The following EXOC6B variants were observed in gnomAD, a reference collection of about 807,000 sequenced individuals.
EXOC6B encodes the protein SEC15 homolog B.
A neutral mutation model predicts 113.5 loss-of-function variants in EXOC6B; 54 were observed. The observed-to-expected ratio is 0.48, with a 90% CI of 0.38 to 0.60. The LOEUF is 0.60. Among genes scored for constraint, EXOC6B ranks in the 20% least tolerant of loss-of-function variants. The pLI, the probability that EXOC6B is intolerant of heterozygous loss-of-function variation, is 0.00. For missense variants in EXOC6B, 797 were observed against 977.5 expected, an observed-to-expected ratio of 0.82 and a Z score of 2.46; for synonymous variants, 357 against 339.0, an observed-to-expected ratio of 1.05 and a Z score of -0.58.
At chr2:72,510,734 C>T (rs1700847527) in intron 11 of EXOC6B, among the ~76,000 whole-genome samples, 1 of 151,490 alleles carries the variant, frequency 6.6e-6, no homozygotes, top group South Asian at 2.1e-4. Flanking sequence ...AATTTCTATT[C>T]TAATATAGAA....
intron 18 of EXOC6B, among the ~76,000 whole-genome samples, chr2:72,459,838 A>C (rs1697507555): frequency 6.6e-6 from 1 of 152,180 alleles, no homozygotes; most frequent in Admixed American, 6.5e-5. Flanking sequence ...CTTTCTTCAC[A>C]GAATTGGAAA....
intron 6 of EXOC6B, among the ~76,000 whole-genome samples, chr2:72,597,461 G>C (rs184325877): frequency 1.3e-5 from 2 of 151,666 alleles, no homozygotes; most frequent in African/African-American, 4.8e-5. Flanking sequence ...TGCTGAGAGG[G>C]AAAATGGAAT....
intron 6 of EXOC6B, among the ~76,000 whole-genome samples, chr2:72,623,606 C>A (rs1671874564): frequency 6.6e-6 from 1 of 152,110 alleles, no homozygotes; most frequent in East Asian, 1.9e-4. Flanking sequence ...TTAGTCACTA[C>A]CCCCCAACTC....
intron 6 of EXOC6B, among the ~76,000 whole-genome samples, chr2:72,700,886 G>A (rs776064433): frequency 2.6e-5 from 4 of 152,132 alleles, no homozygotes; most frequent in African/African-American, 9.7e-5. Flanking sequence ...GGGAGACAGA[G>A]GTTGCAGTGA....
rs149464771 is a variant in EXOC6B, at chr2:72,798,686, T to C, written c.113+27112A>G. 5.8e-3 allele frequency among the ~76,000 whole-genome samples: 877 copies of C among 152,258 alleles called. 21 individuals are homozygous for C. Among genetic ancestry groups the C allele is most frequent in the Admixed American group, 0.043 (664 of 15,292 alleles). The stretch of plus-strand genomic sequence containing the variant: ...GTATTCCATATTATATATATTTTTA[T>C]TTTAAGTTTTAAAGACTGAGCCACA... On this transcript the variant is annotated intron_variant, in intron 1 of 21. Transcript: ENST00000272427.
chr2:72,364,006 T>C (rs1367322794), intron 19 of EXOC6B, among the ~76,000 whole-genome samples: 1 of 152,088 alleles, frequency 6.6e-6, no homozygotes, highest in Non-Finnish European at 1.5e-5. Flanking sequence ...TTTCATCTTG[T>C]CCAGAGTTTG....
chr2:72,359,865 T>C (rs1049655941), intron 19 of EXOC6B, among the ~76,000 whole-genome samples: 22 of 152,006 alleles, frequency 1.4e-4, no homozygotes, highest in African/African-American at 5.3e-4. Context: ...CCCACAGTAA[T>C]GAGTTCATGT....
rs1331371119 is a variant in EXOC6B, at chr2:72,569,413, C to T, written c.846+6079G>A. Among the ~76,000 whole-genome samples the T allele has an allele frequency of 2.0e-5, 3 of 151,912 alleles. 1 individual carries two copies. The East Asian group carries it at 5.8e-4, about 29-fold the overall frequency. ...TTTTTGGATAGACACCCAATATAAGCAGTATTATATTTTTGTCATCACATT... is the reference window on the plus strand; with the variant it reads ...TTTTTGGATAGACACCCAATATAAGTAGTATTATATTTTTGTCATCACATT... On this transcript the variant is annotated intron_variant, in intron 7 of 21. Coordinates refer to ENST00000272427, the MANE Select transcript of EXOC6B (RefSeq NM_015189.3).
At chr2:72,469,700 G>C (rs558214526) in intron 17 of EXOC6B, among the ~76,000 whole-genome samples, 1 of 151,930 alleles carries the variant, frequency 6.6e-6, no homozygotes, top group East Asian at 1.9e-4. Context: ...GGTGCGTCTT[G>C]GTGAATATTT....
intron 6 of EXOC6B, among the ~76,000 whole-genome samples, chr2:72,662,704 T>C (rs1278095014): frequency 6.6e-6 from 1 of 151,472 alleles, no homozygotes; most frequent in Admixed American, 6.6e-5. Flanking sequence ...ATATTGTTGG[T>C]GGAAATGCAA....
chr2:72,820,235 C>A (rs1286019894), intron 1 of EXOC6B, among the ~76,000 whole-genome samples: 2 of 151,962 alleles, frequency 1.3e-5, no homozygotes, highest in Admixed American at 1.3e-4. Flanking sequence ...ATTCCTACAC[C>A]CATAAGTAAA....
At chr2:72,620,455 AAAGAAATTTAAAT>A (rs547197250) in intron 6 of EXOC6B, among the ~76,000 whole-genome samples, 21 of 150,542 alleles carry the variant, frequency 1.4e-4, no homozygotes, top group Admixed American at 2.6e-4. Context: ...AATAAAAATA[AAAGAAATTTAAAT>A]AAGAAATTTA....
At chr2:72,739,673 C>T (rs564270560) in intron 2 of EXOC6B, among the ~76,000 whole-genome samples, 1 of 151,744 alleles carries the variant, frequency 6.6e-6, no homozygotes, top group Non-Finnish European at 1.5e-5. Context: ...TCTTTAGTTC[C>T]TCTGAAATTA....
intron 6 of EXOC6B, among the ~76,000 whole-genome samples, chr2:72,710,006 T>C (rs941313849): frequency 6.6e-6 from 1 of 152,206 alleles, no homozygotes; most frequent in African/African-American, 2.4e-5. Flanking sequence ...CAGAGAGATG[T>C]AGTTGCAATT....
intron 18 of EXOC6B, among the ~76,000 whole-genome samples, chr2:72,385,338 T>C (rs940528265): frequency 4.6e-5 from 7 of 151,914 alleles, no homozygotes; most frequent in Middle Eastern, 6.3e-3. Flanking sequence ...TCATCTCACA[T>C]TGTAAACAAA....
chr2:72,283,163 T>C (rs1685232320), intron 20 of EXOC6B, among the ~76,000 whole-genome samples: 1 of 152,048 alleles, frequency 6.6e-6, no homozygotes, highest in Admixed American at 6.6e-5. Flanking sequence ...AGCCAAAAGG[T>C]TGAACAATCT....
At chr2:72,779,626 A>T (rs1159524387) in intron 1 of EXOC6B, among the ~76,000 whole-genome samples, 1 of 152,162 alleles carries the variant, frequency 6.6e-6, no homozygotes. Context: ...CTGGCAAAAG[A>T]CCACACACTC....
chr2:72,656,959 C>T (rs1674624542), intron 6 of EXOC6B, among the ~76,000 whole-genome samples: 2 of 152,116 alleles, frequency 1.3e-5, no homozygotes, highest in African/African-American at 4.8e-5. Flanking sequence ...TCAAGTGATT[C>T]TCCTGCCTCA....
intron 20 of EXOC6B, among the ~76,000 whole-genome samples, chr2:72,256,341 G>A (rs1048744269): frequency 1.1e-4 from 17 of 152,114 alleles, no homozygotes; most frequent in East Asian, 9.6e-4. Flanking sequence ...AAGTAATATC[G>A]CAATGAAGAC....
Sources: gnomAD v4.1 joint callset for allele counts (sites outside exome capture counted in the v4.1 genomes callset) on GRCh38, gnomAD v4.1.1 for gene constraint, MANE v1.5 for transcripts, NCBI Gene and HGNC (gene_info 2026-07-23, HGNC 2026-07-21) for gene names.